The following TAFA1 variants were observed in gnomAD, a reference collection of about 807,000 sequenced individuals.
TAFA1 encodes the protein chemokine-like protein TAFA-1.
In TAFA1, 4 loss-of-function variants were observed where a neutral mutation model predicts 18.5. The observed-to-expected ratio is 0.22, with a 90% CI of 0.11 to 0.49. The LOEUF is 0.49. Among genes scored for constraint, TAFA1 ranks in the 20% least tolerant of loss-of-function variants. TAFA1 has a pLI of 0.98. For missense variants in TAFA1, 147 were observed against 169.0 expected (o/e 0.87, Z 0.72); for synonymous variants, 56 against 55.2 (o/e 1.01, Z -0.06).
rs568205785 is a variant in TAFA1, at chr3:68,305,595, A to G, written c.119-111685A>G. Among the ~76,000 whole-genome samples the G allele has an allele frequency of 4.0e-5, 6 of 151,456 alleles. No individual in the cohort carries two copies. The South Asian group carries it at 1.3e-3, about 32-fold the overall frequency. ...TTTAGATCTCTTTAGATCTCTGGGAATTATAGGGATACACTAGTAAATTTC... is the reference window on the plus strand; with the variant it reads ...TTTAGATCTCTTTAGATCTCTGGGAGTTATAGGGATACACTAGTAAATTTC... On this transcript the variant is annotated intron_variant, in intron 2 of 4. Transcript: ENST00000478136.
chr3:68,222,064 T>C (rs1332630615), intron 2 of TAFA1, among the ~76,000 whole-genome samples: 1 of 152,192 alleles, frequency 6.6e-6, no homozygotes, highest in Non-Finnish European at 1.5e-5. Flanking sequence ...TATTATACTT[T>C]CATAATTCTA....
chr3:68,337,673 A>G (rs1286709668), intron 2 of TAFA1, among the ~76,000 whole-genome samples: 1 of 151,792 alleles, frequency 6.6e-6, no homozygotes, highest in African/African-American at 2.4e-5. Context: ...GTGTATATTT[A>G]TGGTAAGAAC....
chr3:68,177,911 G>A (rs1029881353), intron 2 of TAFA1, among the ~76,000 whole-genome samples: 4 of 152,122 alleles, frequency 2.6e-5, no homozygotes, highest in Admixed American at 6.5e-5. Context: ...TTGGGAGTCC[G>A]AGGTGGGCGG....
chr3:68,128,883 T>G (rs756780320), intron 2 of TAFA1, among the ~76,000 whole-genome samples: 1 of 152,226 alleles, frequency 6.6e-6, no homozygotes, highest in Non-Finnish European at 1.5e-5. Flanking sequence ...AACAAGGTAG[T>G]GCTCCTAGAT....
chr3:68,213,708 A>T (rs911357387), intron 2 of TAFA1, among the ~76,000 whole-genome samples: 13 of 152,112 alleles, frequency 8.5e-5, no homozygotes, highest in Admixed American at 2.0e-4. Context: ...ACAATAAATC[A>T]CATGCCACAT....
At chr3:68,092,045 T>C (rs1452948906) in intron 2 of TAFA1, among the ~76,000 whole-genome samples, 1 of 152,144 alleles carries the variant, frequency 6.6e-6, no homozygotes, top group Non-Finnish European at 1.5e-5. Context: ...TTCCTGGAAT[T>C]ATCTCCCAAA....
At chr3:68,201,150 G>A (rs75792447) in intron 2 of TAFA1, among the ~76,000 whole-genome samples, 1,708 of 151,488 alleles carry the variant, frequency 0.011, 22 homozygotes, top group Middle Eastern at 0.078. Context: ...TGTTATTTAG[G>A]AATGTATTGT....
chr3:68,297,165 G>A (rs2068222719), intron 2 of TAFA1, among the ~76,000 whole-genome samples: 1 of 152,116 alleles, frequency 6.6e-6, no homozygotes, highest in Non-Finnish European at 1.5e-5. Flanking sequence ...GGGGTAGTAG[G>A]GTATCAGACC....
At chr3:68,347,944 G>T (rs773466325) in intron 2 of TAFA1, among the ~76,000 whole-genome samples, 1 of 152,144 alleles carries the variant, frequency 6.6e-6, no homozygotes, top group Non-Finnish European at 1.5e-5. Flanking sequence ...AAGGGTTTCA[G>T]GTGGGGACTA....
At chr3:68,146,589 T>C (rs2065744085) in intron 2 of TAFA1, among the ~76,000 whole-genome samples, 1 of 152,346 alleles carries the variant, frequency 6.6e-6, no homozygotes, top group South Asian at 2.1e-4. Context: ...TGAAAAGTCC[T>C]GCTATTTTTT....
chr3:68,374,688 A>G (rs2106643017), intron 2 of TAFA1, among the ~76,000 whole-genome samples: 1 of 152,300 alleles, frequency 6.6e-6, no homozygotes, highest in African/African-American at 2.4e-5. Context: ...CTGTGTCAGC[A>G]TCATGGTAAG....
At chr3:68,417,620 A>G in intron 3 of TAFA1, 200 bp downstream of exon 3, 1 of 581,858 alleles carries the variant, frequency 1.7e-6, no homozygotes. Context: ...TCCCCAAAAA[A>G]TAGATGTTGA....
chr3:68,345,960 A>C (rs1326698628), intron 2 of TAFA1, among the ~76,000 whole-genome samples: 1 of 152,166 alleles, frequency 6.6e-6, no homozygotes, highest in Non-Finnish European at 1.5e-5. Context: ...TCTACCAGCA[A>C]ACTAACAGTC....
rs149583089 is a variant in TAFA1, at chr3:68,262,983, G to A, written c.119-154297G>A. Reference sequence around the variant, plus strand: ...CATTGACACTGCTTATTTGAGTCATGGATTGTTATATCCATCTGGAAGGAC... The same window carrying A: ...CATTGACACTGCTTATTTGAGTCATAGATTGTTATATCCATCTGGAAGGAC... On this transcript the variant is annotated intron_variant, in intron 2 of 4. Transcript: ENST00000478136. Among the ~76,000 whole-genome samples the A allele has an allele frequency of 3.2e-3, 486 of 152,242 alleles. 2 individuals are homozygous for A. The highest frequency in any genetic ancestry group is 0.011 in the African/African-American group (453 of 41,548).
chr3:68,119,249 G>A (rs2065359481), intron 2 of TAFA1, among the ~76,000 whole-genome samples: 1 of 151,944 alleles, frequency 6.6e-6, no homozygotes, highest in Admixed American at 6.5e-5. Flanking sequence ...TGCTGTTGTT[G>A]AACAGTAGGA....
chr3:68,065,728 A>ATG (rs71884644), intron 2 of TAFA1, among the ~76,000 whole-genome samples: 143 of 142,414 alleles, frequency 1.0e-3, no homozygotes, highest in South Asian at 1.8e-3. Context: ...GTTTGTGTGT[A>ATG]TGTGTGTGTG....
chr3:68,100,975 C>A (rs1258966717), intron 2 of TAFA1, among the ~76,000 whole-genome samples: 1 of 152,048 alleles, frequency 6.6e-6, no homozygotes, highest in Non-Finnish European at 1.5e-5. Context: ...GGTTTAGACA[C>A]CTGTTTTGTT....
At chr3:68,284,671 T>C (rs1159257613) in intron 2 of TAFA1, among the ~76,000 whole-genome samples, 1 of 152,054 alleles carries the variant, frequency 6.6e-6, no homozygotes, top group African/African-American at 2.4e-5. Context: ...TTCACACCTG[T>C]AAACTCAGCA....
intron 2 of TAFA1, among the ~76,000 whole-genome samples, chr3:68,086,245 A>T (rs1444997923): frequency 1.3e-5 from 2 of 152,150 alleles, no homozygotes; most frequent in African/African-American, 2.4e-5. Flanking sequence ...TTTCCAAGTT[A>T]TTGAGGGCAT....
Sources: allele counts gnomAD v4.1 joint callset (sites outside exome capture counted in the v4.1 genomes callset), GRCh38; gene constraint gnomAD v4.1.1; transcripts MANE v1.5; gene names NCBI Gene and HGNC (gene_info 2026-07-23, HGNC 2026-07-21).